The following ZNF66 variants were observed in gnomAD, a reference collection of about 807,000 sequenced individuals.
ZNF66 encodes putative zinc finger protein 66.
In ZNF66, 32 loss-of-function variants were observed where a neutral mutation model predicts 35.2. The observed-to-expected ratio is 0.91, with a 90% CI of 0.69 to 1.22. ZNF66 has a LOEUF of 1.22. ZNF66 is among the 50% of genes most tolerant of loss of function. The probability of loss-of-function intolerance (pLI) is 0.00; values close to 1 mark genes in which losing one functional copy is unlikely to be tolerated. For synonymous variants in ZNF66, 231 were observed against 181.3 expected (o/e 1.27, Z -2.20); for missense variants, 666 against 543.1 (o/e 1.23, Z -2.25).
At chr19:20,781,772 C>T (rs11669907) in intron 1 of ZNF66, among the ~76,000 whole-genome samples, 14,138 of 151,850 alleles carry the variant, frequency 0.093, 670 homozygotes, top group Middle Eastern at 0.11. Flanking sequence ...CCTCCCAAAG[C>T]GCTGGGATTA....
At position 20,806,255 on chromosome 19, in the gene ZNF66, C is replaced by T; in HGVS notation, c.655C>T (p.His219Tyr). 1 of 1,453,796 alleles carries T rather than the reference C, an allele frequency of 6.9e-7. No homozygotes were observed. The highest frequency in any genetic ancestry group is 1.7e-4 in the Middle Eastern group (1 of 5,750). 90.1% of individuals were successfully genotyped at this position (1,453,796 alleles called of 1,614,324 possible). A position where few individuals can be genotyped will look rare whatever the true frequency, so the allele number is the denominator to read the frequency against. The change falls in exon 4 of 4, where the codon CAT (histidine) becomes TAT (tyrosine). Residue 219 changes from histidine to tyrosine, a missense_variant. Transcript: ENST00000344519. ...CAACCGGTCCTCACACCTTACTACA[C>T]ATAAGATAATTCATACTGGAGAGAA... ...AFNRSSHLTT[H>Y]KIIHTGEKRY...
chr19:20,783,472 C>G (rs964966732), intron 1 of ZNF66, among the ~76,000 whole-genome samples: 1 of 152,082 alleles, frequency 6.6e-6, no homozygotes, highest in Non-Finnish European at 1.5e-5. Flanking sequence ...TTATCTTTAT[C>G]TGGTACTTCA....
At position 20,791,778 on chromosome 19, in the gene ZNF66, C is replaced by A. The variant is rs186941339; in HGVS notation, c.4-734C>A. On this transcript the variant is annotated intron_variant, in intron 1 of 3. Transcript: ENST00000344519. Reference sequence around the variant, plus strand: ...GCATTAACACATCATAAAAATTTGTCCTAGTGCAGTTAATGGTTAATGATT... The same window carrying A: ...GCATTAACACATCATAAAAATTTGTACTAGTGCAGTTAATGGTTAATGATT... Among the ~76,000 whole-genome samples the A allele has an allele frequency of 3.6e-3, 553 of 152,146 alleles. 4 individuals carry two copies. Among genetic ancestry groups the A allele is most frequent in the African/African-American group, 0.013 (527 of 41,520 alleles).
At chr19:20,787,491 A>G (rs1339983839) in intron 1 of ZNF66, among the ~76,000 whole-genome samples, 6 of 152,214 alleles carry the variant, frequency 3.9e-5, no homozygotes, top group Admixed American at 1.3e-4. Context: ...ATTTACAAAA[A>G]AGCCTGGACT....
At chr19:20,779,221 AT>A (rs1452060829) in intron 1 of ZNF66, among the ~76,000 whole-genome samples, 5 of 145,988 alleles carry the variant, frequency 3.4e-5, no homozygotes, top group East Asian at 2.0e-4. Context: ...TAAAAAAAAA[AT>A]GAATTCCAAA....
At chr19:20,793,353 C>CA (rs1971360120) in intron 2 of ZNF66, among the ~76,000 whole-genome samples, 1 of 43,740 alleles carries the variant, frequency 2.3e-5, no homozygotes, top group Non-Finnish European at 5.1e-5. Flanking sequence ...TTTTTTGAGA[C>CA]AGAGTCTCAC....
intron 1 of ZNF66, among the ~76,000 whole-genome samples, chr19:20,777,143 G>T (rs73007839): frequency 6.6e-6 from 1 of 150,524 alleles, no homozygotes; most frequent in South Asian, 2.1e-4. Flanking sequence ...AAAAAATTAT[G>T]GGAGTCACTG....
At chr19:20,801,239 G>A (rs1371177652) in intron 3 of ZNF66, among the ~76,000 whole-genome samples, 3 of 151,948 alleles carry the variant, frequency 2.0e-5, no homozygotes, top group Non-Finnish European at 2.9e-5. Context: ...GCTAAAATGA[G>A]TCTCTTGTAG....
At position 20,807,417 on chromosome 19, in the gene ZNF66, A is replaced by C; in HGVS notation, c.*95A>C. On this transcript the variant is annotated 3_prime_UTR_variant, in exon 4 of 4. Transcript: ENST00000344519. The stretch of plus-strand genomic sequence containing the variant: ...TGGGAAAGACTTTAACCAGCTATCA[A>C]CTTTTACTAAATATGAGAATTTATG... 1.8e-6 allele frequency: 1 copy of C among 556,934 alleles called. No homozygotes were observed. Among genetic ancestry groups the C allele is most frequent in the Non-Finnish European group, 3.2e-6 (1 of 313,390 alleles). 34.5% of individuals were successfully genotyped at this position (556,934 alleles called of 1,614,324 possible). A position where few individuals can be genotyped will look rare whatever the true frequency, so the allele number is the denominator to read the frequency against.
intron 1 of ZNF66, among the ~76,000 whole-genome samples, chr19:20,788,571 A>G (rs1971307993): frequency 1.3e-5 from 2 of 151,752 alleles, no homozygotes; most frequent in Admixed American, 6.6e-5. Flanking sequence ...TGCCCAGCCA[A>G]TTTTTGCATT....
Position 20,806,983 on chromosome 19 carries a change from C to G in ZNF66, c.1383C>G (p.Ala461=). The G allele has an allele frequency of 9.9e-7, 1 of 1,011,220 alleles. No homozygotes were observed. 62.6% of individuals were successfully genotyped at this position (1,011,220 alleles called of 1,614,324 possible). A position where few individuals can be genotyped will look rare whatever the true frequency, so the allele number is the denominator to read the frequency against. The stretch of plus-strand genomic sequence containing the variant: ...ACGAATGTGAAGACTGTGGCAAAGC[C>G]TTTAACCGCTCCTCTAACCTTACTA... The part of the protein sequence containing the change: ...KPYECEDCGK[A]FNRSSNLTKH... The change falls in exon 4 of 4, where the codon GCC becomes GCG. Residue 461 remains alanine (A), a synonymous_variant. Coordinates refer to ENST00000344519, the MANE Select transcript of ZNF66 (RefSeq NM_001355197.2).
At chr19:20,792,466 C>G in intron 1 of ZNF66, 46 bp from the exon 2 acceptor site, 5 of 1,432,274 alleles carry the variant, frequency 3.5e-6, no homozygotes, top group Non-Finnish European at 4.8e-6. Context: ...ATTAAAAATT[C>G]CGCCCATAAC....
Position 20,806,862 on chromosome 19 carries a change from G to A in ZNF66, c.1262G>A (p.Gly421Glu), listed in dbSNP as rs1385184613. ...PLSKHKRIHT[G>E]EKPYKCEECG... The stretch of plus-strand genomic sequence containing the variant: ...TCTAAACATAAGAGAATTCATACTG[G>A]AGAGAAACCCTACAAATGTGAAGAA... The change falls in exon 4 of 4, where the codon GGA becomes GAA. Residue 421 changes from glycine (G) to glutamate (E), a missense_variant. Gly to Glu is a moderately conservative substitution (Grantham distance 98). Transcript: ENST00000344519. The A allele has an allele frequency of 1.5e-6, 2 of 1,352,790 alleles. No individual in the cohort carries two copies. Among genetic ancestry groups the A allele is most frequent in the South Asian group, 2.3e-5 (2 of 85,362 alleles). 83.8% of individuals were successfully genotyped at this position (1,352,790 alleles called of 1,614,324 possible). A position where few individuals can be genotyped will look rare whatever the true frequency, so the allele number is the denominator to read the frequency against.
At chr19:20,792,823 T>A (rs1188616068) in intron 2 of ZNF66, among the ~76,000 whole-genome samples, 185 bp downstream of exon 2, 1 of 152,110 alleles carries the variant, frequency 6.6e-6, no homozygotes, top group African/African-American at 2.4e-5. Flanking sequence ...ATCCCAGCAC[T>A]TTGGGAGGCT....
chr19:20,785,084 A>G (rs1488571439), intron 1 of ZNF66: 2 of 152,178 alleles, frequency 1.3e-5, no homozygotes, highest in African/African-American at 2.4e-5. Flanking sequence ...CACTGCTCCC[A>G]GTTTCATTAT....
At chr19:20,805,126 T>TGAGAGAGAGAGAGA (rs60295293) in intron 3 of ZNF66, among the ~76,000 whole-genome samples, 298 of 146,068 alleles carry the variant, frequency 2.0e-3, no homozygotes, top group African/African-American at 7.2e-3. Flanking sequence ...TGTGTGTGTG[T>TGAGAGAGAGAGAGA]GAGAGAGAGA....
chr19:20,793,513 G>T (rs535522975), intron 2 of ZNF66, among the ~76,000 whole-genome samples: 1 of 151,632 alleles, frequency 6.6e-6, no homozygotes, highest in South Asian at 2.1e-4. Context: ...AGTAGAGATG[G>T]GGTTTCACCA....
In ZNF66 at chr19:20,807,517, A is replaced by C. The variant is rs1971533963; in HGVS notation, c.*195A>C. Among the ~76,000 whole-genome samples, 1 of 152,212 alleles carries C rather than the reference A, an allele frequency of 6.6e-6. No homozygotes were observed. The highest frequency in any genetic ancestry group is 2.4e-5 in the African/African-American group (1 of 41,452). On this transcript the variant is annotated 3_prime_UTR_variant, in exon 4 of 4. Transcript: ENST00000344519. ...TCTCAACCCTTATTACACATAATTC[A>C]TACTGGATAGAAACCCTACACCTGT... is the stretch of plus-strand genomic sequence containing the variant.
chr19:20,778,431 T>C (rs1971215186), intron 1 of ZNF66, among the ~76,000 whole-genome samples: 1 of 152,208 alleles, frequency 6.6e-6, no homozygotes, highest in Admixed American at 6.5e-5. Flanking sequence ...AATAATAAAA[T>C]AATACATACA....
Sources: allele counts gnomAD v4.1 joint callset (sites outside exome capture counted in the v4.1 genomes callset), GRCh38; gene constraint gnomAD v4.1.1; transcripts MANE v1.5; gene names NCBI Gene and HGNC (gene_info 2026-07-23, HGNC 2026-07-21).